MSH3: variants seen among roughly 807,000 people sequenced by gnomAD.
The protein encoded by MSH3 is mutS homolog 3, also known as DNA mismatch repair protein Msh3.
Under a neutral mutation model 123.3 loss-of-function variants are expected in MSH3, and 106 were observed. That is an observed-to-expected ratio of 0.86 (90% confidence interval 0.73 to 1.01). The LOEUF (loss-of-function observed/expected upper bound fraction) is 1.01. MSH3 is among the 50% of genes least tolerant of loss of function. MSH3 has a pLI of 0.00. For synonymous variants in MSH3, 515 were observed against 481.4 expected (o/e 1.07, Z -0.91); for missense variants, 1,459 against 1,347.6 (o/e 1.08, Z -1.29).
At chr5:80,740,827 G>A (rs1743600220) in intron 10 of MSH3, among the ~76,000 whole-genome samples, 1 of 150,770 alleles carries the variant, frequency 6.6e-6, no homozygotes, top group East Asian at 1.9e-4. Context: ...TGATTCTTGT[G>A]CTTCAGCCTC....
intron 8 of MSH3, among the ~76,000 whole-genome samples, chr5:80,696,326 C>T (rs1472449173): frequency 4.6e-5 from 7 of 152,194 alleles, no homozygotes; most frequent in Admixed American, 6.5e-5. Context: ...CCTTCTTTCA[C>T]CAGTGAGAAT....
rs56122601 is a variant in MSH3, at chr5:80,670,119, G to T, written c.602G>T (p.Ser201Ile). ...CAGGACACAACACTTTTTGATCTCA[G>T]TCAGTTTGGATCATCAAATACAAGT... Reference protein sequence around the residue: ...NQKDTTLFDLSQFGSSNTSHE... With the variant: ...NQKDTTLFDLIQFGSSNTSHE... The change falls in exon 4 of 24, where the codon AGT becomes ATT. Residue 201 changes from serine to isoleucine, a missense_variant. Ser to Ile is a moderately radical substitution (Grantham distance 142). Transcript: ENST00000265081. 1 of 1,614,050 alleles carries T rather than the reference G, an allele frequency of 6.2e-7. No individual in the cohort carries two copies.
At chr5:80,712,184 G>T (rs1047828990) in intron 8 of MSH3, among the ~76,000 whole-genome samples, 2 of 152,114 alleles carry the variant, frequency 1.3e-5, no homozygotes, top group Non-Finnish European at 1.5e-5. Context: ...AGCCTCCAGG[G>T]TTCTAGTCCA....
intron 20 of MSH3, among the ~76,000 whole-genome samples, chr5:80,845,866 G>C (rs1303996247): frequency 6.6e-6 from 1 of 152,100 alleles, no homozygotes; most frequent in East Asian, 1.9e-4. Flanking sequence ...TTTGCTTGGA[G>C]AAGTTTGTTA....
intron 8 of MSH3, among the ~76,000 whole-genome samples, chr5:80,699,494 G>T (rs1341337276): frequency 2.1e-5 from 3 of 145,348 alleles, no homozygotes; most frequent in Non-Finnish European, 4.5e-5. Context: ...GGAGGTGGAG[G>T]TTGCAGTGAT....
chr5:80,788,120 G>A (rs1744546188), intron 18 of MSH3, among the ~76,000 whole-genome samples: 1 of 152,166 alleles, frequency 6.6e-6, no homozygotes. Context: ...CATAAAGGAT[G>A]TTAGCACAAA....
rs6151748 is a variant in MSH3 at position 80,742,622 on chromosome 5, C to G, written c.1653+1074C>G. Reference sequence around the variant, plus strand: ...GACTCCTGAATCTGCATATTATTAACTAGTTTCTCTCAGTTTCTTCCTGTT... The same window carrying G: ...GACTCCTGAATCTGCATATTATTAAGTAGTTTCTCTCAGTTTCTTCCTGTT... On this transcript the variant is annotated intron_variant, in intron 11 of 23. Coordinates refer to ENST00000265081, the MANE Select transcript of MSH3 (RefSeq NM_002439.5). Among the ~76,000 whole-genome samples, 1,421 of 152,292 alleles carry G rather than the reference C, an allele frequency of 9.3e-3. 18 individuals carry two copies. Among genetic ancestry groups the G allele is most frequent in the African/African-American group, 0.032 (1,312 of 41,554 alleles).
chr5:80,847,164 A>G (rs928281012), intron 20 of MSH3, among the ~76,000 whole-genome samples: 7 of 151,690 alleles, frequency 4.6e-5, no homozygotes, highest in Admixed American at 3.9e-4. Context: ...GGCTCAAGCG[A>G]TTTTCCTGCC....
chr5:80,764,657 T>C (rs564404376), intron 13 of MSH3, among the ~76,000 whole-genome samples: 179 of 152,128 alleles, frequency 1.2e-3, no homozygotes, highest in Middle Eastern at 3.4e-3. Context: ...GCCACTGTGC[T>C]TAGCCTAAAA....
rs186376134 is a variant in MSH3, at chr5:80,790,622, A to G, written c.2544-2111A>G. On this transcript the variant is annotated intron_variant, in intron 18 of 23. Transcript: ENST00000265081. ...TGCAGAAGTGAGGGGAGAAATCACTATCACGTCATCCTTCTGTTTTCTTCT... is the reference window on the plus strand; with the variant it reads ...TGCAGAAGTGAGGGGAGAAATCACTGTCACGTCATCCTTCTGTTTTCTTCT... Among the ~76,000 whole-genome samples the G allele has an allele frequency of 1.2e-4, 19 of 152,320 alleles. No homozygotes were observed. The East Asian group carries it at 3.3e-3, about 26-fold the overall frequency.
intron 8 of MSH3, among the ~76,000 whole-genome samples, chr5:80,721,680 T>A (rs572858976): frequency 6.6e-6 from 1 of 152,322 alleles, no homozygotes; most frequent in South Asian, 2.1e-4. Flanking sequence ...CTGTGGGTTT[T>A]AGTTTGGTTA....
At chr5:80,695,050 C>A (rs926529499) in intron 8 of MSH3, among the ~76,000 whole-genome samples, 6 of 145,624 alleles carry the variant, frequency 4.1e-5, no homozygotes, top group Admixed American at 1.4e-4. Context: ...ATTATTTCTT[C>A]AAGGTTTTTG....
intron 1 of MSH3, chr5:80,655,168 A>C: frequency 4.3e-6 from 2 of 462,894 alleles, no homozygotes. Context: ...GTTTGAGGAG[A>C]TAGGCAAAGG....
chr5:80,838,748 G>A (rs1027023786), intron 20 of MSH3, among the ~76,000 whole-genome samples: 1 of 151,928 alleles, frequency 6.6e-6, no homozygotes, highest in African/African-American at 2.4e-5. Context: ...AAAGTTATCC[G>A]ACTTGCCTAA....
chr5:80,762,652 C>T lies in MSH3; in HGVS notation c.1896+974C>T, dbSNP rs563409192. On this transcript the variant is annotated intron_variant, in intron 13 of 23. Transcript: ENST00000265081. Reference sequence around the variant, plus strand: ...TTTTCTGGTTGCCACTTTTCATAAGCAAATTTTATTTTTCCTCCAAATGTA... The same window carrying T: ...TTTTCTGGTTGCCACTTTTCATAAGTAAATTTTATTTTTCCTCCAAATGTA... 5.9e-5 allele frequency among the ~76,000 whole-genome samples: 9 copies of T among 151,610 alleles called. No homozygotes were observed. The South Asian group carries it at 1.9e-3, about 32-fold the overall frequency.
chr5:80,775,751 G>T lies in MSH3; in HGVS notation c.2311G>T (p.Val771Phe). Reference protein sequence around the residue: ...VSCIPTDWVKVGSTKAVSRFH... With the variant: ...VSCIPTDWVKFGSTKAVSRFH... ...TTGTATACCAACTGATTGGGTAAAG[G>T]TTGGAAGGTAGGTTTAAAATAAATT... Residue 771 changes from valine to phenylalanine, a missense_variant, in exon 16 of 24, where the codon GTT (valine) becomes TTT (phenylalanine). Val to Phe is a conservative substitution (Grantham distance 50, BLOSUM62 -1). Coordinates refer to ENST00000265081, the MANE Select transcript of MSH3 (RefSeq NM_002439.5). 4 of 1,584,752 alleles carry T rather than the reference G, an allele frequency of 2.5e-6. No individual in the cohort carries two copies. Among genetic ancestry groups the T allele is most frequent in the Non-Finnish European group, 3.5e-6 (4 of 1,153,698 alleles).
chr5:80,837,306 C>T (rs566045588), intron 20 of MSH3, among the ~76,000 whole-genome samples: 4 of 152,114 alleles, frequency 2.6e-5, no homozygotes, highest in Non-Finnish European at 5.9e-5. Context: ...GGGTCAGGCA[C>T]GGTGGCTCAC....
At chr5:80,679,216 T>A in intron 8 of MSH3, 123 bp downstream of exon 8, 1 of 1,025,500 alleles carries the variant, frequency 9.8e-7, no homozygotes, top group Non-Finnish European at 1.5e-6. Context: ...TCCACTGTAG[T>A]AGTGGAAATT....
intron 3 of MSH3, among the ~76,000 whole-genome samples, chr5:80,667,918 T>G (rs1749607774): frequency 6.6e-6 from 1 of 152,206 alleles, no homozygotes; most frequent in Non-Finnish European, 1.5e-5. Context: ...CCTGTTTGTG[T>G]TACAGCTCTT....
Sources: allele counts gnomAD v4.1 joint callset (sites outside exome capture counted in the v4.1 genomes callset), GRCh38; gene constraint gnomAD v4.1.1; transcripts MANE v1.5; gene names NCBI Gene and HGNC (gene_info 2026-07-23, HGNC 2026-07-21).